ADGRL3: variants seen among roughly 807,000 people sequenced by gnomAD.
ADGRL3 encodes adhesion G protein-coupled receptor L3.
Under a neutral mutation model 153.5 loss-of-function variants are expected in ADGRL3, and 62 were observed. The observed-to-expected ratio is 0.40, with a 90% CI of 0.33 to 0.50. The LOEUF is 0.50. Ranked by LOEUF, ADGRL3 falls within the 20% of genes least tolerant of loss-of-function variation. The pLI, the probability that ADGRL3 is intolerant of heterozygous loss-of-function variation, is 0.47. For synonymous variants in ADGRL3, 710 were observed against 672.5 expected (o/e 1.06, Z -0.86); for missense variants, 1,641 against 1,859.4 (o/e 0.88, Z 2.16).
chr4:62,034,354 T>G (rs1723835182), intron 23 of ADGRL3, among the ~76,000 whole-genome samples: 1 of 151,834 alleles, frequency 6.6e-6, no homozygotes, highest in Non-Finnish European at 1.5e-5. Context: ...TAGAAAAACT[T>G]GCCAGGCCCT....
At chr4:61,500,197 A>G (rs1187819109) in intron 3 of ADGRL3, among the ~76,000 whole-genome samples, 5 of 152,226 alleles carry the variant, frequency 3.3e-5, no homozygotes. Flanking sequence ...TATGTGGACT[A>G]TTCAATATTA....
At chr4:61,748,929 C>A (rs2096712787) in intron 8 of ADGRL3, among the ~76,000 whole-genome samples, 2 of 151,132 alleles carry the variant, frequency 1.3e-5, no homozygotes. Context: ...AGGCAACCTA[C>A]AAAATGGGAG....
chr4:62,060,535 G>A (rs1314891826), intron 25 of ADGRL3, among the ~76,000 whole-genome samples: 1 of 151,670 alleles, frequency 6.6e-6, no homozygotes, highest in Non-Finnish European at 1.5e-5. Context: ...AATGATTTTA[G>A]AAATTATTTG....
At chr4:61,505,361 C>G (rs1257076238) in intron 3 of ADGRL3, among the ~76,000 whole-genome samples, 2 of 152,024 alleles carry the variant, frequency 1.3e-5, no homozygotes, top group Admixed American at 1.3e-4. Flanking sequence ...TTCTCCCATT[C>G]TTGTGGGTTG....
intron 6 of ADGRL3, among the ~76,000 whole-genome samples, chr4:61,687,637 G>T (rs1450767219): frequency 6.6e-6 from 1 of 151,840 alleles, no homozygotes; most frequent in Non-Finnish European, 1.5e-5. Flanking sequence ...GCAAATCCAG[G>T]TCAAATTAGC....
intron 17 of ADGRL3, among the ~76,000 whole-genome samples, chr4:61,952,478 C>CAAA (rs35219845): frequency 1.5e-5 from 1 of 66,684 alleles, no homozygotes; most frequent in Non-Finnish European, 3.1e-5. Context: ...GACCCTGTCT[C>CAAA]AAAAAAAAAA....
chr4:61,419,991 G>A (rs2097185251), intron 2 of ADGRL3, among the ~76,000 whole-genome samples: 1 of 151,604 alleles, frequency 6.6e-6, no homozygotes, highest in Admixed American at 6.6e-5. Context: ...TGGTAGAGAC[G>A]GAGTTTCACC....
In ADGRL3 at chr4:61,599,813, C is replaced by G. The variant is rs1205081454; in HGVS notation, c.473+12373C>G. ...GGTCAGAGAAAAATTTTCGCTTCTG[C>G]AGCCACTTCTGAGGCCTTCATTTTG... On this transcript the variant is annotated intron_variant, in intron 5 of 26. Transcript: ENST00000683033. Among the ~76,000 whole-genome samples, 3 of 152,238 alleles carry G rather than the reference C, an allele frequency of 2.0e-5. No individual in the cohort carries two copies. The East Asian group carries it at 5.8e-4, about 30-fold the overall frequency.
rs1302547044 is a variant in ADGRL3 at position 61,497,328 on chromosome 4, T to G, written c.35T>G (p.Leu12Arg). The G allele has an allele frequency of 6.2e-7, 1 of 1,606,742 alleles. No individual in the cohort carries two copies. The highest frequency in any genetic ancestry group is 1.1e-5 in the South Asian group (1 of 89,578). Residue 12 changes from leucine to arginine, a missense_variant, in exon 3 of 27, where the codon CTC (leucine) becomes CGC (arginine). Coordinates refer to ENST00000683033, the MANE Select transcript of ADGRL3 (RefSeq NM_001387552.1). ...WPSQLLIFMM[L>R]LAPIIHGGKH... ...TCGCAGCTACTAATTTTCATGATGC[T>G]CTTAGCTCCAATAATTCATGGTAAG...
At chr4:61,772,196 C>T (rs1244417926) in intron 8 of ADGRL3, among the ~76,000 whole-genome samples, 8 of 152,194 alleles carry the variant, frequency 5.3e-5, no homozygotes, top group Non-Finnish European at 1.5e-5. Flanking sequence ...TTACAAATTT[C>T]TCCTGCTAAT....
intron 11 of ADGRL3, among the ~76,000 whole-genome samples, chr4:61,907,189 G>C (rs2098699871): frequency 6.6e-6 from 1 of 152,102 alleles, no homozygotes; most frequent in Non-Finnish European, 1.5e-5. Context: ...AGTATAGGAT[G>C]TTCCCAAAAG....
chr4:61,835,856 A>T (rs1012424879), intron 9 of ADGRL3, among the ~76,000 whole-genome samples: 1 of 152,212 alleles, frequency 6.6e-6, no homozygotes, highest in Non-Finnish European at 1.5e-5. Flanking sequence ...GCTACACAGC[A>T]TTGGGCAGTT....
At chr4:61,278,312 C>T (rs1030172309) in intron 1 of ADGRL3, among the ~76,000 whole-genome samples, 27 of 152,172 alleles carry the variant, frequency 1.8e-4, no homozygotes, top group South Asian at 8.3e-4. Context: ...GGAATTTTCT[C>T]CTCAAATCAA....
intron 23 of ADGRL3, among the ~76,000 whole-genome samples, chr4:62,033,588 A>G (rs534501502): frequency 1.6e-4 from 24 of 151,858 alleles, no homozygotes; most frequent in African/African-American, 5.8e-4. Flanking sequence ...TTTGGATAGA[A>G]GAAAGCCATA....
At chr4:61,481,337 G>T (rs1205510772) in intron 2 of ADGRL3, among the ~76,000 whole-genome samples, 1 of 152,108 alleles carries the variant, frequency 6.6e-6, no homozygotes, top group Non-Finnish European at 1.5e-5. Context: ...ATCTGAGGAT[G>T]CCAGTATTTA....
intron 1 of ADGRL3, among the ~76,000 whole-genome samples, chr4:61,243,446 C>A (rs567360126): frequency 7.6e-4 from 115 of 152,136 alleles, no homozygotes; most frequent in Non-Finnish European, 1.5e-3. Flanking sequence ...CACCCAATCT[C>A]TGCTTCTCCC....
chr4:61,934,494 C>G (rs1294758524), intron 13 of ADGRL3, among the ~76,000 whole-genome samples: 1 of 152,018 alleles, frequency 6.6e-6, no homozygotes, highest in Non-Finnish European at 1.5e-5. Flanking sequence ...TGGTAAAACT[C>G]TTGGTTGAAT....
chr4:62,030,143 T>A (rs1721181730), intron 22 of ADGRL3, among the ~76,000 whole-genome samples: 1 of 151,624 alleles, frequency 6.6e-6, no homozygotes, highest in Admixed American at 6.6e-5. Context: ...TATTTATAAT[T>A]ATTTTTAATA....
At chr4:61,333,505 CA>C (rs1360415367) in intron 1 of ADGRL3, among the ~76,000 whole-genome samples, 6 of 152,166 alleles carry the variant, frequency 3.9e-5, no homozygotes, top group Admixed American at 1.3e-4. Context: ...TGTTGTTCAA[CA>C]CTTATTTAAA....
Sources: gnomAD v4.1 joint callset for allele counts (sites outside exome capture counted in the v4.1 genomes callset) on GRCh38, gnomAD v4.1.1 for gene constraint, MANE v1.5 for transcripts, NCBI Gene and HGNC (gene_info 2026-07-23, HGNC 2026-07-21) for gene names.